The following FAM107B variants were observed in gnomAD, a reference collection of about 807,000 sequenced individuals.
FAM107B encodes the protein family with sequence similarity 107 member B.
Under a neutral mutation model 31.5 loss-of-function variants are expected in FAM107B, and 21 were observed. The ratio of observed to expected loss-of-function variants is 0.67; its 90% confidence interval spans 0.47 to 0.96. FAM107B has a LOEUF of 0.96. Among genes scored for constraint, FAM107B ranks in the 40% least tolerant of loss-of-function variants. FAM107B has a pLI of 0.00. For synonymous variants in FAM107B, 157 were observed against 141.5 expected, an observed-to-expected ratio of 1.11 and a Z score of -0.78; for missense variants, 452 against 377.1, an observed-to-expected ratio of 1.20 and a Z score of -1.64.
chr10:14,569,081 G>T (rs1850962041), intron 2 of FAM107B, among the ~76,000 whole-genome samples: 1 of 152,134 alleles, frequency 6.6e-6, no homozygotes, highest in African/African-American at 2.4e-5. Context: ...TCATCGAAAG[G>T]TCTGTTGCTC....
At chr10:14,561,076 C>T (rs1312344780) in intron 2 of FAM107B, among the ~76,000 whole-genome samples, 1 of 152,206 alleles carries the variant, frequency 6.6e-6, no homozygotes, top group Admixed American at 6.5e-5. Context: ...TGAAGGGAGC[C>T]GGACACCTGG....
chr10:14,626,285 C>T (rs1853159236), intron 2 of FAM107B, among the ~76,000 whole-genome samples: 1 of 152,076 alleles, frequency 6.6e-6, no homozygotes, highest in South Asian at 2.1e-4. Flanking sequence ...CGATTCATCA[C>T]ATAAACAATA....
intron 1 of FAM107B, among the ~76,000 whole-genome samples, chr10:14,760,255 C>T (rs1011078526): frequency 3.9e-5 from 6 of 152,124 alleles, no homozygotes; most frequent in African/African-American, 1.4e-4. Context: ...TCCTCTTCAC[C>T]CATTTCCTGG....
chr10:14,640,510 C>A (rs1223860340), intron 2 of FAM107B, among the ~76,000 whole-genome samples: 1 of 152,158 alleles, frequency 6.6e-6, no homozygotes, highest in Non-Finnish European at 1.5e-5. Flanking sequence ...ACTAGTCAAC[C>A]CTGGACCAAC....
intron 1 of FAM107B, among the ~76,000 whole-genome samples, chr10:14,681,032 T>G (rs899249176): frequency 6.6e-6 from 1 of 152,230 alleles, no homozygotes; most frequent in Non-Finnish European, 1.5e-5. Context: ...GGGTCCTGAC[T>G]GGAGGTTTGC....
chr10:14,706,262 A>G (rs1855516754), intron 1 of FAM107B, among the ~76,000 whole-genome samples: 1 of 151,958 alleles, frequency 6.6e-6, no homozygotes, highest in Non-Finnish European at 1.5e-5. Flanking sequence ...AGGTGGGAGT[A>G]CCGTGGTGCA....
intron 1 of FAM107B, among the ~76,000 whole-genome samples, chr10:14,680,931 C>T (rs1054962986): frequency 2.6e-5 from 4 of 152,154 alleles, no homozygotes; most frequent in Non-Finnish European, 4.4e-5. Flanking sequence ...TACCTTAGCA[C>T]CCCACTCCAG....
chr10:14,534,527 G>C (rs1249639025), intron 2 of FAM107B, among the ~76,000 whole-genome samples: 2 of 152,026 alleles, frequency 1.3e-5, no homozygotes, highest in African/African-American at 4.8e-5. Context: ...CCTATCTTCC[G>C]ATCAAGCTGA....
Position 14,530,412 on chromosome 10 carries a change from C to G in FAM107B, c.573G>C (p.Arg191Ser), listed in dbSNP as rs1330076601. ...YIEDDNPELI[R>S]PQKLINPVKT... ...TTACAGGATTGATCAGTTTCTGAGG[C>G]CTAATGAGTTCAGGATTGTCATCTT... The change falls in exon 3 of 5, where the codon AGG (arginine) becomes AGC (serine). Residue 191 changes from arginine to serine, a missense_variant. Coordinates refer to ENST00000181796, the MANE Select transcript of FAM107B (RefSeq NM_031453.4). 2 of 1,613,920 alleles carry G rather than the reference C, an allele frequency of 1.2e-6. No homozygotes were observed. The highest frequency in any genetic ancestry group is 1.7e-6 in the Non-Finnish European group (2 of 1,179,996).
Position 14,530,499 on chromosome 10 carries a change from A to T in FAM107B, c.486T>A (p.Asp162Glu), listed in dbSNP as rs1409341875. 2 of 1,612,864 alleles carry T rather than the reference A, an allele frequency of 1.2e-6. No homozygotes were observed. Among genetic ancestry groups the T allele is most frequent in the Non-Finnish European group, 8.5e-7 (1 of 1,179,830 alleles). ...TGAGATATGAGTCCTTATGGTCAAT[A>T]TCCTCAGGTGGGCTGTCTGAAAGAG... ...QKMTSDSPPE[D>E]IDHKDSYLIT... Residue 162 changes from aspartate (D) to glutamate (E), a missense_variant, in exon 3 of 5, where the codon GAT becomes GAA. Asp to Glu is a conservative substitution (Grantham distance 45). Transcript: ENST00000181796.
chr10:14,621,140 A>T (rs4748102), intron 2 of FAM107B, among the ~76,000 whole-genome samples: 62,054 of 151,944 alleles, frequency 0.41, 13,211 homozygotes, highest in East Asian at 0.7. Context: ...TGCAATAAAG[A>T]CCATTTTATT....
At chr10:14,553,984 G>A (rs1270085965) in intron 2 of FAM107B, 12 of 443,976 alleles carry the variant, frequency 2.7e-5, no homozygotes, top group Non-Finnish European at 3.6e-5. Flanking sequence ...TTCTGAGCCC[G>A]TTTTTCCTTG....
At chr10:14,643,449 A>T (rs1853678083) in intron 2 of FAM107B, among the ~76,000 whole-genome samples, 1 of 147,918 alleles carries the variant, frequency 6.8e-6, no homozygotes, top group South Asian at 2.1e-4. Flanking sequence ...TGATGCTGTC[A>T]CCCAGGCTGG....
intron 2 of FAM107B, chr10:14,532,837 A>T (rs1487759337): frequency 6.6e-6 from 1 of 152,224 alleles, no homozygotes; most frequent in Non-Finnish European, 1.5e-5. Flanking sequence ...ACCCAAACAG[A>T]CAACTGCCTC....
At chr10:14,695,100 C>T (rs536475994) in intron 1 of FAM107B, among the ~76,000 whole-genome samples, 3 of 152,252 alleles carry the variant, frequency 2.0e-5, no homozygotes, top group African/African-American at 4.8e-5. Context: ...AGCTTTCCCC[C>T]GGTTTCCCTT....
At chr10:14,754,003 A>G (rs936738428) in intron 1 of FAM107B, among the ~76,000 whole-genome samples, 1 of 148,320 alleles carries the variant, frequency 6.7e-6, no homozygotes, top group African/African-American at 2.5e-5. Context: ...CAGTGGCACC[A>G]TCTCAGCTCA....
intron 1 of FAM107B, among the ~76,000 whole-genome samples, chr10:14,718,288 C>G (rs1855826578): frequency 6.6e-6 from 1 of 151,800 alleles, no homozygotes; most frequent in African/African-American, 2.4e-5. Flanking sequence ...GATTGCACCA[C>G]TGCACTCCAA....
At chr10:14,635,133 G>A (rs1296426397) in intron 2 of FAM107B, among the ~76,000 whole-genome samples, 6 of 146,544 alleles carry the variant, frequency 4.1e-5, no homozygotes, top group African/African-American at 1.3e-4. Flanking sequence ...AAGAAAGGAA[G>A]GAAGGGAGGG....
chr10:14,680,510 G>A (rs985854820), intron 1 of FAM107B, among the ~76,000 whole-genome samples: 3 of 150,074 alleles, frequency 2.0e-5, no homozygotes, highest in African/African-American at 4.9e-5. Context: ...GGAGGCAGAG[G>A]TTGCAGTGAA....
Sources: allele counts gnomAD v4.1 joint callset (sites outside exome capture counted in the v4.1 genomes callset), GRCh38; gene constraint gnomAD v4.1.1; transcripts MANE v1.5; gene names NCBI Gene and HGNC (gene_info 2026-07-23, HGNC 2026-07-21).